The following GPR26 variants were observed in gnomAD, a reference collection of about 807,000 sequenced individuals.
The protein encoded by GPR26 is G protein-coupled receptor 26.
GPR26 carries 15 observed loss-of-function variants against 23.1 expected under a neutral mutation model. That is an observed-to-expected ratio of 0.65 (90% CI 0.43 to 1.00). The LOEUF is 1.00. Ranked by LOEUF, GPR26 falls within the 50% of genes least tolerant of loss-of-function variation. The pLI is 0.00. For synonymous variants in GPR26, 228 were observed against 222.1 expected (o/e 1.03, Z -0.24); for missense variants, 359 against 470.5 (o/e 0.76, Z 2.19).
In GPR26 at chr10:123,692,694, G is replaced by A. The variant is rs932217456; in HGVS notation, c.*4534G>A. The stretch of plus-strand genomic sequence containing the variant: ...TGTTTGAGATCAGGGTTTAGGGGTA[G>A]TGTTTCCCATTAATCTTCATCATAA... On this transcript the variant is annotated 3_prime_UTR_variant, in exon 3 of 3. Coordinates refer to ENST00000284674, the MANE Select transcript of GPR26 (RefSeq NM_153442.4). 1 of 152,214 alleles carries A rather than the reference G, an allele frequency of 6.6e-6. No individual in the cohort carries two copies. Among genetic ancestry groups the A allele is most frequent in the African/African-American group, 2.4e-5 (1 of 41,448 alleles). 9.4% of individuals were successfully genotyped at this position (152,214 alleles called of 1,614,324 possible).
At position 123,666,566 on chromosome 10, in the gene GPR26, G is replaced by A. The variant is rs1845185665; in HGVS notation, c.159G>A (p.Leu53=). The change falls in exon 1 of 3, where the codon CTG becomes CTA. Residue 53 remains leucine (L), a synonymous_variant. Transcript: ENST00000284674. ...CCCTGAACCTCACGTGCGGGAACCTGCTGTGCACCGTGGTCAACATGCCGC... is the reference window on the plus strand; with the variant it reads ...CCCTGAACCTCACGTGCGGGAACCTACTGTGCACCGTGGTCAACATGCCGC... ...LFTLNLTCGN[L]LCTVVNMPLT... The A allele has an allele frequency of 6.3e-7, 1 of 1,598,132 alleles. No homozygotes were observed. Among genetic ancestry groups the A allele is most frequent in the East Asian group, 2.3e-5 (1 of 44,098 alleles).
At chr10:123,673,315 G>C (rs1336088322) in intron 1 of GPR26, among the ~76,000 whole-genome samples, 1 of 152,204 alleles carries the variant, frequency 6.6e-6, no homozygotes, top group Non-Finnish European at 1.5e-5. Flanking sequence ...CTCCTGGCAG[G>C]CAGGGAAGGC....
At chr10:123,678,792 T>C (rs1219814) in intron 2 of GPR26, among the ~76,000 whole-genome samples, 151,336 of 152,352 alleles carry the variant, frequency 0.99, 75,172 homozygotes, top group South Asian at 1. Flanking sequence ...ATCAGAGTTC[T>C]GCTTCCCCTG....
At chr10:123,686,918 C>T (rs1258307970) in intron 2 of GPR26, among the ~76,000 whole-genome samples, 1 of 152,284 alleles carries the variant, frequency 6.6e-6, no homozygotes, top group African/African-American at 2.4e-5. Context: ...CAGACTCTCT[C>T]CCAGCTCTGT....
In GPR26 at chr10:123,689,269, A is replaced by ATT. The variant is rs1564734211; in HGVS notation, c.*1109_*1110insTT. ...GACAGTGAATTTTTTTTTTTTTTCGAGATGGGAGTTTCACTCTTATTGCCC... is the reference window on the plus strand; with the variant it reads ...GACAGTGAATTTTTTTTTTTTTTCGATTGATGGGAGTTTCACTCTTATTGCCC... On this transcript the variant is annotated 3_prime_UTR_variant, in exon 3 of 3. Transcript: ENST00000284674. 3.0e-4 allele frequency: 44 copies of ATT among 148,580 alleles called. No homozygotes were observed. The highest frequency in any genetic ancestry group is 1.0e-3 in the African/African-American group (42 of 40,492). The allele number at this position is 148,580 out of a possible 1,614,324, so 9.2% of individuals were successfully genotyped here.
rs183269873 is a variant in GPR26, at chr10:123,692,318, C to T, written c.*4158C>T. On this transcript the variant is annotated 3_prime_UTR_variant, in exon 3 of 3. Coordinates refer to ENST00000284674, the MANE Select transcript of GPR26 (RefSeq NM_153442.4). ...AGGTGATGACATCTGCCACCTCTGC[C>T]ACTACCCAGAGCTTGTCCTGCCCTC... is the stretch of plus-strand genomic sequence containing the variant. 2.0e-5 allele frequency: 3 copies of T among 152,416 alleles called. No individual in the cohort carries two copies. In the East Asian group the frequency reaches 5.8e-4, roughly 29 times the overall value. The allele number at this position is 152,416 out of a possible 1,614,324, so 9.4% of individuals were successfully genotyped here. A position where few individuals can be genotyped will look rare whatever the true frequency, so the allele number is the denominator to read the frequency against.
chr10:123,667,449 G>T (rs1845199774), intron 1 of GPR26, among the ~76,000 whole-genome samples: 1 of 152,102 alleles, frequency 6.6e-6, no homozygotes, highest in Non-Finnish European at 1.5e-5. Context: ...GATTCTGGCC[G>T]AGAGGGCGGC....
chr10:123,676,216 T>G (rs1351272093), intron 2 of GPR26, among the ~76,000 whole-genome samples: 1 of 152,144 alleles, frequency 6.6e-6, no homozygotes, highest in South Asian at 2.1e-4. Context: ...TGCCTTCCCC[T>G]GTCTTCTGTG....
intron 1 of GPR26, among the ~76,000 whole-genome samples, chr10:123,670,902 G>A (rs1845242482): frequency 6.6e-6 from 1 of 152,166 alleles, no homozygotes; most frequent in Admixed American, 6.5e-5. Context: ...CTGTAGGTAG[G>A]CACATCCCCT....
At chr10:123,685,752 C>T (rs570883495) in intron 2 of GPR26, among the ~76,000 whole-genome samples, 1 of 152,240 alleles carries the variant, frequency 6.6e-6, no homozygotes, top group South Asian at 2.1e-4. Context: ...AGATTCACAT[C>T]TTGGCGTGGC....
intron 2 of GPR26, among the ~76,000 whole-genome samples, chr10:123,680,301 T>C (rs1356574411): frequency 1.3e-5 from 2 of 152,222 alleles, no homozygotes; most frequent in Non-Finnish European, 2.9e-5. Flanking sequence ...TTCAGCTGGA[T>C]CTGACATTGC....
intron 1 of GPR26, among the ~76,000 whole-genome samples, chr10:123,670,339 C>T (rs748217563): frequency 1.3e-5 from 2 of 152,266 alleles, no homozygotes; most frequent in East Asian, 1.9e-4. Flanking sequence ...GAGAAGCACT[C>T]ACCTAATTCA....
At chr10:123,679,358 G>A (rs947304757) in intron 2 of GPR26, among the ~76,000 whole-genome samples, 2 of 152,198 alleles carry the variant, frequency 1.3e-5, no homozygotes, top group African/African-American at 4.8e-5. Context: ...TGGTAGGAAT[G>A]GCTGGGAGAG....
chr10:123,690,579 T>C lies in GPR26; in HGVS notation c.*2419T>C, dbSNP rs1483296974. ...ATTTTCACTATACCTCTAAAACCAA[T>C]TGTACCGACATCACGTAGACAAAAA... On this transcript the variant is annotated 3_prime_UTR_variant, in exon 3 of 3. Transcript: ENST00000284674. 4 of 152,122 alleles carry C rather than the reference T, an allele frequency of 2.6e-5. No homozygotes were observed. Among genetic ancestry groups the C allele is most frequent in the African/African-American group, 7.2e-5 (3 of 41,414 alleles). 9.4% of individuals were successfully genotyped at this position (152,122 alleles called of 1,614,324 possible).
At chr10:123,678,591 C>G (rs1441778524) in intron 2 of GPR26, among the ~76,000 whole-genome samples, 3 of 152,206 alleles carry the variant, frequency 2.0e-5, no homozygotes, top group Admixed American at 6.5e-5. Flanking sequence ...AATCACACCC[C>G]TCTTGGAGCC....
chr10:123,683,018 G>A (rs1845394375), intron 2 of GPR26, among the ~76,000 whole-genome samples: 2 of 136,004 alleles, frequency 1.5e-5, no homozygotes, highest in African/African-American at 2.7e-5. Flanking sequence ...GTATGTATGT[G>A]TGTGCATGTG....
At chr10:123,672,737 C>A (rs1365514854) in intron 1 of GPR26, among the ~76,000 whole-genome samples, 2 of 151,502 alleles carry the variant, frequency 1.3e-5, no homozygotes, top group African/African-American at 2.4e-5. Context: ...TCCTGGTTTG[C>A]CCGAGGTAGA....
At chr10:123,677,467 CAT>C (rs771859898) in intron 2 of GPR26, among the ~76,000 whole-genome samples, 14 of 152,232 alleles carry the variant, frequency 9.2e-5, no homozygotes, top group Non-Finnish European at 2.1e-4. Flanking sequence ...TTGGCTTTCT[CAT>C]GTGTGTGGAG....
rs1220868274 is a variant in GPR26, at chr10:123,695,970, G to A, written c.*7810G>A. Reference sequence around the variant, plus strand: ...ATCACAAACAGCACAAATTAAAAAGGTGCCTTGCCTGATGCCCATTACCAC... The same window carrying A: ...ATCACAAACAGCACAAATTAAAAAGATGCCTTGCCTGATGCCCATTACCAC... On this transcript the variant is annotated 3_prime_UTR_variant, in exon 3 of 3. Transcript: ENST00000284674. 3.3e-5 allele frequency among the ~76,000 whole-genome samples: 5 copies of A among 152,150 alleles called. No individual in the cohort carries two copies. The highest frequency in any genetic ancestry group is 7.3e-5 in the Non-Finnish European group (5 of 68,036).
Sources: gnomAD v4.1 joint callset for allele counts (sites outside exome capture counted in the v4.1 genomes callset) on GRCh38, gnomAD v4.1.1 for gene constraint, MANE v1.5 for transcripts, NCBI Gene and HGNC (gene_info 2026-07-23, HGNC 2026-07-21) for gene names.